ALG1L2: variants seen among roughly 807,000 people sequenced by gnomAD.
ALG1L2 encodes the protein putative glycosyltransferase ALG1L2.
In ALG1L2, 32 loss-of-function variants were observed where a neutral mutation model predicts 29.0. The ratio of observed to expected loss-of-function variants is 1.10; its 90% CI spans 0.83 to 1.48. The LOEUF (loss-of-function observed/expected upper bound fraction) is 1.48. Ranked by LOEUF, ALG1L2 falls within the 40% of genes most tolerant of loss-of-function variation. The pLI is 0.00. For missense variants in ALG1L2, 318 were observed against 274.1 expected (o/e 1.16, Z -1.13); for synonymous variants, 110 against 109.5 (o/e 1.00, Z -0.03).
chr3:130,089,831 A>C (rs1257566230), intron 1 of ALG1L2, among the ~76,000 whole-genome samples: 1 of 152,312 alleles, frequency 6.6e-6, no homozygotes. Flanking sequence ...ACCTGAGGTC[A>C]GGAGTTCGAT....
chr3:130,094,573 T>TGGGGG, intron 5 of ALG1L2, 60 bp downstream of exon 5: 4 of 332,040 alleles, frequency 1.2e-5, no homozygotes, highest in East Asian at 1.4e-4. Context: ...GGAACAGGGG[T>TGGGGG]GGGCGGGGTG....
Position 130,098,217 on chromosome 3 carries a change from C to G in ALG1L2, c.616-6C>G, listed in dbSNP as rs1250316642. The G allele has an allele frequency of 6.3e-7, 1 of 1,596,410 alleles. No homozygotes were observed. The highest frequency in any genetic ancestry group is 1.3e-5 in the African/African-American group (1 of 74,958). ...GACAGGCAATGAGGTAAGCTCTGCT[C>G]TTCAGTATTTTGCAGATGCTTTTCT... On this transcript the variant is annotated splice_polypyrimidine_tract_variant and splice_region_variant and intron_variant, in intron 7 of 7. Transcript: ENST00000425059.
chr3:130,092,040 C>A, intron 2 of ALG1L2, 61 bp from the exon 3 acceptor site: 1 of 1,595,256 alleles, frequency 6.3e-7, no homozygotes, highest in South Asian at 1.1e-5. Context: ...GCAGGAGATG[C>A]CCGTTCTGGG....
At chr3:130,091,751 A>G (rs1935018752) in intron 2 of ALG1L2, 3 of 586,102 alleles carry the variant, frequency 5.1e-6, no homozygotes, top group Non-Finnish European at 9.6e-6. Context: ...GGGCTAAGGA[A>G]GGGAACTTTG....
At chr3:130,085,761 A>T (rs1934876494) in intron 1 of ALG1L2, among the ~76,000 whole-genome samples, 1 of 149,992 alleles carries the variant, frequency 6.7e-6, no homozygotes, top group Non-Finnish European at 1.5e-5. Context: ...GACGACCTCC[A>T]CGAGTTGTTT....
Position 130,094,411 on chromosome 3 carries a change from C to T in ALG1L2, c.322C>T (p.Pro108Ser). The T allele has an allele frequency of 6.3e-7, 1 of 1,595,694 alleles. No homozygotes were observed. Among genetic ancestry groups the T allele is most frequent in the Non-Finnish European group, 8.5e-7 (1 of 1,179,108 alleles). Residue 108 changes from proline (P) to serine (S), a missense_variant, in exon 5 of 8, where the codon CCT becomes TCT. By Grantham distance (74) the Pro-to-Ser change is moderately conservative. Coordinates refer to ENST00000425059, the MANE Select transcript of ALG1L2 (RefSeq NM_001136152.1). ...SLVCVITGKG[P>S]LREYYSRLIH... ...TGCTCTTCTCTGTGAAGGCAAAGGG[C>T]CTCTGAGGGAGTATTACAGCCGCCT...
At chr3:130,093,230 C>A in intron 4 of ALG1L2, 70 bp downstream of exon 4, 4 of 1,522,590 alleles carry the variant, frequency 2.6e-6, no homozygotes, top group Admixed American at 3.4e-5. Flanking sequence ...ACAGCCTTTA[C>A]CCTGTGCTTC....
intron 7 of ALG1L2, among the ~76,000 whole-genome samples, chr3:130,097,789 G>C (rs140000054): frequency 1.3e-5 from 2 of 151,994 alleles, no homozygotes; most frequent in Non-Finnish European, 1.5e-5. Context: ...AGATTAAGGG[G>C]TGTGGCTTTG....
chr3:130,094,408 G>A lies in ALG1L2; in HGVS notation c.319G>A (p.Gly107Arg). The A allele has an allele frequency of 1.3e-6, 2 of 1,595,556 alleles. No individual in the cohort carries two copies. The highest frequency in any genetic ancestry group is 1.7e-6 in the Non-Finnish European group (2 of 1,178,950). ...GTCTGCTCTTCTCTGTGAAGGCAAA[G>A]GGCCTCTGAGGGAGTATTACAGCCG... ...PSLVCVITGK[G>R]PLREYYSRLI... Residue 107 changes from glycine (G) to arginine (R), a missense_variant, in exon 5 of 8, where the codon GGG becomes AGG. Transcript: ENST00000425059.
intron 2 of ALG1L2, 91 bp from the exon 3 acceptor site, chr3:130,092,010 A>G (rs1935026062): frequency 4.5e-6 from 7 of 1,572,292 alleles, no homozygotes; most frequent in Non-Finnish European, 6.0e-6. Context: ...AACCGTTGGG[A>G]GCCTGCAGGC....
chr3:130,097,130 T>A (rs772105584), intron 6 of ALG1L2, 45 bp from the exon 7 acceptor site: 82 of 1,608,288 alleles, frequency 5.1e-5, no homozygotes, highest in Non-Finnish European at 6.1e-5. Flanking sequence ...AGGGGTCTAG[T>A]GTCTTCTCCA....
At chr3:130,084,181 CTGGGTA>C (rs1176401046) in intron 1 of ALG1L2, among the ~76,000 whole-genome samples, 1 of 150,908 alleles carries the variant, frequency 6.6e-6, no homozygotes, top group African/African-American at 2.4e-5. Context: ...GGGACAACAG[CTGGGTA>C]TGGTGGCTCA....
At chr3:130,090,958 G>C in intron 1 of ALG1L2, 1 of 384,048 alleles carries the variant, frequency 2.6e-6, no homozygotes, top group Non-Finnish European at 5.0e-6. Flanking sequence ...GACCCAGGCA[G>C]TGCAGAGCCA....
chr3:130,095,987 G>T lies in ALG1L2; in HGVS notation c.425-62G>T, dbSNP rs538449536. The T allele has an allele frequency of 1.4e-4, 206 of 1,474,554 alleles. No individual in the cohort carries two copies. The East Asian group carries it at 3.9e-3, about 28-fold the overall frequency. The allele number at this position is 1,474,554 out of a possible 1,614,324, so 91.3% of individuals were successfully genotyped here. On this transcript the variant is annotated intron_variant, in intron 5 of 7. Transcript: ENST00000425059. ...TCGGGGGGTGTTGCCTCACTGTGCT[G>T]GGAGGATTTGTGTTCCCGGGGCAGA... is the stretch of plus-strand genomic sequence containing the variant.
chr3:130,098,132 G>A (rs2108126181), intron 7 of ALG1L2, 91 bp from the exon 8 acceptor site: 14 of 1,547,014 alleles, frequency 9.0e-6, no homozygotes, highest in Non-Finnish European at 1.2e-5. Context: ...GGACTTGGGA[G>A]GGGTTGTTGT....
chr3:130,093,998 G>T, intron 4 of ALG1L2: 1 of 284,416 alleles, frequency 3.5e-6, no homozygotes, highest in South Asian at 3.3e-5. Context: ...GTGCTCTGGG[G>T]GCTGTGGCAG....
In ALG1L2 at chr3:130,094,229, G is replaced by C. The variant is rs1298769499; in HGVS notation, c.314-174G>C. On this transcript the variant is annotated intron_variant, in intron 4 of 7. Coordinates refer to ENST00000425059, the MANE Select transcript of ALG1L2 (RefSeq NM_001136152.1). The stretch of plus-strand genomic sequence containing the variant: ...GGGTCAGGGTGCACATACCCCTGCA[G>C]GTCTTGGGGCTCCTGAGTTGCTTCT... The C allele has an allele frequency of 4.0e-6, 3 of 743,168 alleles. No homozygotes were observed. In the African/African-American group the frequency reaches 5.2e-5, roughly 13 times the overall value. The allele number at this position is 743,168 out of a possible 1,614,324, so 46.0% of individuals were successfully genotyped here. A position where few individuals can be genotyped will look rare whatever the true frequency, so the allele number is the denominator to read the frequency against.
intron 7 of ALG1L2, among the ~76,000 whole-genome samples, chr3:130,097,631 A>T (rs1406423670): frequency 1.8e-4 from 27 of 152,366 alleles, no homozygotes; most frequent in Non-Finnish European, 2.2e-4. Context: ...TTCTTATTGC[A>T]AAAAGTAATA....
intron 6 of ALG1L2, 145 bp from the exon 7 acceptor site, chr3:130,097,030 C>G (rs1935153659): frequency 6.9e-7 from 1 of 1,451,150 alleles, no homozygotes; most frequent in Non-Finnish European, 9.0e-7. Flanking sequence ...GATGCCAAAT[C>G]TAAGAACCAC....
Sources: gnomAD v4.1 joint callset for allele counts (sites outside exome capture counted in the v4.1 genomes callset) on GRCh38, gnomAD v4.1.1 for gene constraint, MANE v1.5 for transcripts, NCBI Gene and HGNC (gene_info 2026-07-23, HGNC 2026-07-21) for gene names.